Variants in SPAG17 observed in about 807,000 individuals in gnomAD.
SPAG17 encodes sperm-associated antigen 17.
A neutral mutation model predicts 273.6 loss-of-function variants in SPAG17; 169 were observed. That is an observed-to-expected ratio of 0.62 (90% CI 0.55 to 0.70). The LOEUF (loss-of-function observed/expected upper bound fraction) is 0.70. SPAG17 is among the 30% of genes least tolerant of loss of function. The pLI, the probability that SPAG17 is intolerant of heterozygous loss-of-function variation, is 0.00. For missense variants in SPAG17, 2,557 were observed against 2,627.8 expected (o/e 0.97, Z 0.59); for synonymous variants, 825 against 873.2 (o/e 0.94, Z 0.97).
intron 1 of SPAG17, among the ~76,000 whole-genome samples, chr1:118,163,687 T>G (rs1660036159): frequency 1.3e-5 from 2 of 151,866 alleles, no homozygotes; most frequent in Non-Finnish European, 2.9e-5. Flanking sequence ...CATCTTCACC[T>G]AAGCCCAGAC....
intron 40 of SPAG17, among the ~76,000 whole-genome samples, chr1:117,987,481 A>G (rs1385788462): frequency 2.6e-5 from 4 of 152,242 alleles, no homozygotes; most frequent in Non-Finnish European, 4.4e-5. Flanking sequence ...ACCAAACCAT[A>G]TAATGCTTAG....
intron 43 of SPAG17, among the ~76,000 whole-genome samples, chr1:117,980,610 C>T (rs1014945225): frequency 6.6e-6 from 1 of 152,144 alleles, no homozygotes; most frequent in Admixed American, 6.5e-5. Context: ...TCAGTAGATT[C>T]CCATCTCACA....
chr1:118,132,431 C>T (rs1658103492), intron 3 of SPAG17, among the ~76,000 whole-genome samples: 1 of 152,158 alleles, frequency 6.6e-6, no homozygotes, highest in African/African-American at 2.4e-5. Flanking sequence ...CCAAGGGTGA[C>T]ACGATCAGAT....
At chr1:118,110,532 T>C (rs2102243722) in intron 4 of SPAG17, among the ~76,000 whole-genome samples, 1 of 152,290 alleles carries the variant, frequency 6.6e-6, no homozygotes, top group East Asian at 1.9e-4. Context: ...AATCTCTGGA[T>C]GTCCAGTTTT....
intron 1 of SPAG17, among the ~76,000 whole-genome samples, chr1:118,161,122 G>A (rs1275625051): frequency 6.6e-6 from 1 of 152,178 alleles, no homozygotes; most frequent in Non-Finnish European, 1.5e-5. Context: ...TGACTAAGAT[G>A]GGAGTGTGAA....
intron 3 of SPAG17, among the ~76,000 whole-genome samples, chr1:118,146,195 CTGTG>C (rs1190830193): frequency 2.0e-5 from 3 of 152,202 alleles, no homozygotes; most frequent in Non-Finnish European, 4.4e-5. Flanking sequence ...AGTTCACTTA[CTGTG>C]TATCAGATTT....
chr1:118,178,425 G>A (rs1660793584), intron 1 of SPAG17, among the ~76,000 whole-genome samples: 1 of 151,928 alleles, frequency 6.6e-6, no homozygotes, highest in Non-Finnish European at 1.5e-5. Flanking sequence ...AAAAAACTGG[G>A]TGTAGAAGAA....
intron 43 of SPAG17, among the ~76,000 whole-genome samples, chr1:117,975,634 G>A (rs937701688): frequency 3.9e-5 from 6 of 152,152 alleles, no homozygotes; most frequent in African/African-American, 1.2e-4. Context: ...ACCGTCTGCT[G>A]GGCTGCTTTT....
At chr1:118,034,940 G>A (rs1648902211) in intron 24 of SPAG17, among the ~76,000 whole-genome samples, 1 of 151,934 alleles carries the variant, frequency 6.6e-6, no homozygotes, top group Admixed American at 6.6e-5. Context: ...GATTTGATTG[G>A]GTTTCTTTAT....
chr1:118,175,090 G>T (rs1009458310), intron 1 of SPAG17, among the ~76,000 whole-genome samples: 1 of 152,046 alleles, frequency 6.6e-6, no homozygotes, highest in Non-Finnish European at 1.5e-5. Flanking sequence ...GAGTGCAGTG[G>T]CGCAATCTTG....
chr1:117,976,666 A>G (rs984985991), intron 43 of SPAG17, among the ~76,000 whole-genome samples: 4 of 152,200 alleles, frequency 2.6e-5, no homozygotes, highest in Non-Finnish European at 5.9e-5. Flanking sequence ...ATACACCTGA[A>G]CATTACCTGC....
intron 32 of SPAG17, among the ~76,000 whole-genome samples, chr1:118,004,848 G>A (rs1411657122): frequency 6.6e-6 from 1 of 152,226 alleles, no homozygotes; most frequent in Non-Finnish European, 1.5e-5. Context: ...CCAGTGAGAT[G>A]AACCAGGTAC....
At chr1:118,174,028 C>T (rs1052277681) in intron 1 of SPAG17, among the ~76,000 whole-genome samples, 3 of 151,952 alleles carry the variant, frequency 2.0e-5, no homozygotes, top group African/African-American at 7.3e-5. Context: ...CTGGAAGTGG[C>T]TATTTTTTCA....
intron 40 of SPAG17, among the ~76,000 whole-genome samples, chr1:117,986,913 T>A (rs1389576774): frequency 1.3e-5 from 2 of 152,176 alleles, no homozygotes; most frequent in Non-Finnish European, 2.9e-5. Flanking sequence ...AAGCAGCTCA[T>A]AAGACTCTCT....
At chr1:117,970,712 C>CA (rs1466833185) in intron 45 of SPAG17, among the ~76,000 whole-genome samples, 1 of 152,148 alleles carries the variant, frequency 6.6e-6, no homozygotes, top group African/African-American at 2.4e-5. Context: ...GGAAAGCCTG[C>CA]CTCCACTCTG....
rs960697985 is a variant in SPAG17 at position 118,039,407 on chromosome 1, G to A, written c.3204C>T (p.Asn1068=). 2.0e-5 allele frequency: 32 copies of A among 1,613,176 alleles called. No homozygotes were observed. The highest frequency in any genetic ancestry group is 2.7e-5 in the Non-Finnish European group (32 of 1,179,598). ...CATTTAAATGAATCATAAAATTGTG[G>A]TTGTCCTTTACCACTCTCACTTTGA... is the stretch of plus-strand genomic sequence containing the variant. ...TFIKVRVVKD[N]HNFMIHLNDP... is the part of the protein sequence containing the mutation. Residue 1068 remains asparagine (N), a synonymous_variant, in exon 23 of 49, where the codon AAC becomes AAT. Coordinates refer to ENST00000336338, the MANE Select transcript of SPAG17 (RefSeq NM_206996.4).
chr1:118,062,366 C>CAAAAAAAA (rs56029752), intron 18 of SPAG17, among the ~76,000 whole-genome samples: 1,410 of 46,250 alleles, frequency 0.03, 168 homozygotes, highest in East Asian at 0.3. Flanking sequence ...GACTCCATCT[C>CAAAAAAAA]AAAAAAAAAA....
In SPAG17 at chr1:118,008,161, A is replaced by G. The variant is rs757092581; in HGVS notation, c.4470T>C (p.Cys1490=). Residue 1490 remains cysteine, a synonymous_variant, in exon 31 of 49, where the codon TGT becomes TGC. Transcript: ENST00000336338. ...CATAGCGTGAGCTTTCTACCCGCAT[A>G]CACTTCACCTGCCTGGTGACAGTCC... ...GPRTVTRQVK[C]MRVESSRYAT... The G allele has an allele frequency of 1.2e-6, 2 of 1,613,996 alleles. No individual in the cohort carries two copies. The highest frequency in any genetic ancestry group is 1.7e-6 in the Non-Finnish European group (2 of 1,179,956).
chr1:117,967,121 A>G (rs956979913), intron 46 of SPAG17, among the ~76,000 whole-genome samples: 10 of 152,042 alleles, frequency 6.6e-5, no homozygotes, highest in South Asian at 4.1e-4. Flanking sequence ...GAAATCTGCA[A>G]TAGCGGCTAC....
Sources: gnomAD v4.1 joint callset for allele counts (sites outside exome capture counted in the v4.1 genomes callset) on GRCh38, gnomAD v4.1.1 for gene constraint, MANE v1.5 for transcripts, NCBI Gene and HGNC (gene_info 2026-07-23, HGNC 2026-07-21) for gene names.